ZMAT4: variants seen among roughly 807,000 people sequenced by gnomAD.
ZMAT4 encodes zinc finger matrin-type 4.
Under a neutral mutation model 28.7 loss-of-function variants are expected in ZMAT4, and 17 were observed. That is an observed-to-expected ratio of 0.59 (90% CI 0.41 to 0.89). ZMAT4 has a LOEUF of 0.89. Ranked by LOEUF, ZMAT4 falls within the 40% of genes least tolerant of loss-of-function variation. ZMAT4 has a pLI of 0.00. For missense variants in ZMAT4, 240 were observed against 283.8 expected, an observed-to-expected ratio of 0.85 and a Z score of 1.11; for synonymous variants, 117 against 109.2, an observed-to-expected ratio of 1.07 and a Z score of -0.44.
intron 1 of ZMAT4, among the ~76,000 whole-genome samples, chr8:40,891,272 A>AGGGGGAAGGGGGGAGGGGGAAGGGGGAGG (rs1818673754): frequency 1.0e-5 from 1 of 98,016 alleles, no homozygotes; most frequent in Non-Finnish European, 2.1e-5. Context: ...GGGAGGGGGA[A>AGGGGGAAGGGGGGAGGGGGAAGGGGGAGG]GGGGAAATTG....
intron 3 of ZMAT4, among the ~76,000 whole-genome samples, chr8:40,702,968 C>T (rs777634208): frequency 6.6e-6 from 1 of 151,950 alleles, no homozygotes; most frequent in Non-Finnish European, 1.5e-5. Flanking sequence ...GATTAAAAAG[C>T]ATAGTGGATA....
At chr8:40,643,073 G>A (rs938769278) in intron 5 of ZMAT4, among the ~76,000 whole-genome samples, 7 of 152,170 alleles carry the variant, frequency 4.6e-5, no homozygotes, top group Non-Finnish European at 1.0e-4. Context: ...TGAGCTATGA[G>A]GTGCAGGTGT....
chr8:40,558,769 T>A (rs766529320), intron 6 of ZMAT4, among the ~76,000 whole-genome samples: 3 of 152,052 alleles, frequency 2.0e-5, no homozygotes, highest in African/African-American at 7.2e-5. Flanking sequence ...GGGCTCCCGC[T>A]TCTTGGCCGA....
At chr8:40,621,306 A>G (rs2118691648) in intron 5 of ZMAT4, among the ~76,000 whole-genome samples, 1 of 152,326 alleles carries the variant, frequency 6.6e-6, no homozygotes. Flanking sequence ...CTTAGGTGAG[A>G]CCAGAACTTA....
At chr8:40,823,841 A>G (rs1815923012) in intron 2 of ZMAT4, among the ~76,000 whole-genome samples, 1 of 152,200 alleles carries the variant, frequency 6.6e-6, no homozygotes, top group African/African-American at 2.4e-5. Flanking sequence ...CCTTTTAACA[A>G]TGACTATACG....
At chr8:40,851,039 T>C (rs1015613267) in intron 1 of ZMAT4, among the ~76,000 whole-genome samples, 1 of 152,212 alleles carries the variant, frequency 6.6e-6, no homozygotes, top group African/African-American at 2.4e-5. Flanking sequence ...AAGTTAACTA[T>C]ATTTTGGCCA....
chr8:40,600,516 T>C (rs1449616034), intron 5 of ZMAT4, among the ~76,000 whole-genome samples: 3 of 152,198 alleles, frequency 2.0e-5, no homozygotes, highest in Non-Finnish European at 2.9e-5. Context: ...CTTCACCACA[T>C]GCTCAGCCTC....
intron 6 of ZMAT4, among the ~76,000 whole-genome samples, chr8:40,563,495 G>A (rs1018095590): frequency 4.6e-5 from 7 of 152,132 alleles, no homozygotes; most frequent in African/African-American, 1.7e-4. Context: ...TCTAGCAAAA[G>A]TGGAACATGC....
chr8:40,724,896 G>T (rs1811258263), intron 3 of ZMAT4, among the ~76,000 whole-genome samples: 1 of 152,114 alleles, frequency 6.6e-6, no homozygotes, highest in African/African-American at 2.4e-5. Flanking sequence ...AGACCTAGCT[G>T]GGATGATACC....
rs146367428 is a variant in ZMAT4 at position 40,849,965 on chromosome 8, G to A, written c.-4-24285C>T. Among the ~76,000 whole-genome samples, 197 of 152,192 alleles carry A rather than the reference G, an allele frequency of 1.3e-3. 6 individuals carry two copies. The East Asian group carries it at 0.035, about 27-fold the overall frequency. On this transcript the variant is annotated intron_variant, in intron 1 of 6. Coordinates refer to ENST00000297737, the MANE Select transcript of ZMAT4 (RefSeq NM_024645.3). ...ACCCCGCTGCTCAGAATGGAAACCT[G>A]GGATCGCTCCTCATCCACTCCCTTT... is the stretch of plus-strand genomic sequence containing the variant.
At chr8:40,680,713 C>A (rs1809123909) in intron 4 of ZMAT4, among the ~76,000 whole-genome samples, 1 of 151,666 alleles carries the variant, frequency 6.6e-6, no homozygotes, top group South Asian at 2.1e-4. Context: ...CACACACACA[C>A]ACACACACAC....
chr8:40,586,518 G>A (rs1215354076), intron 5 of ZMAT4, among the ~76,000 whole-genome samples: 1 of 152,180 alleles, frequency 6.6e-6, no homozygotes, highest in Non-Finnish European at 1.5e-5. Flanking sequence ...ACAGGAGCTA[G>A]AGGAGAGGAG....
At chr8:40,546,937 T>C (rs1272641901) in intron 6 of ZMAT4, among the ~76,000 whole-genome samples, 5 of 152,032 alleles carry the variant, frequency 3.3e-5, no homozygotes, top group Non-Finnish European at 7.4e-5. Context: ...TTTAGAAGAA[T>C]TGAACATAAA....
intron 2 of ZMAT4, among the ~76,000 whole-genome samples, chr8:40,815,591 A>C (rs1445432330): frequency 6.6e-6 from 1 of 152,198 alleles, no homozygotes; most frequent in African/African-American, 2.4e-5. Context: ...CTGTCCTTCC[A>C]TCTCCACGCA....
rs543625355 is a variant in ZMAT4 at position 40,888,936 on chromosome 8, A to G, written c.-5+8747T>C. On this transcript the variant is annotated intron_variant, in intron 1 of 6. Coordinates refer to ENST00000297737, the MANE Select transcript of ZMAT4 (RefSeq NM_024645.3). ...GCTTCACACCTTCTTGCAGAAATCT[A>G]CCACTCACTTCTAGAGCACATGGAA... Among the ~76,000 whole-genome samples the G allele has an allele frequency of 2.6e-5, 4 of 152,338 alleles. No individual in the cohort carries two copies. The South Asian group carries it at 8.3e-4, about 32-fold the overall frequency.
chr8:40,891,994 C>G (rs75929080), intron 1 of ZMAT4, among the ~76,000 whole-genome samples: 266 of 152,324 alleles, frequency 1.7e-3, no homozygotes, highest in African/African-American at 6.2e-3. Context: ...ATTCTCAAAA[C>G]TGTGAGACTT....
chr8:40,627,532 T>A (rs1806420440), intron 5 of ZMAT4, among the ~76,000 whole-genome samples: 1 of 152,216 alleles, frequency 6.6e-6, no homozygotes, highest in Admixed American at 6.5e-5. Context: ...AAATATTCAA[T>A]AACATTTATT....
intron 3 of ZMAT4, among the ~76,000 whole-genome samples, chr8:40,710,873 C>T (rs1300583090): frequency 2.0e-5 from 3 of 152,150 alleles, no homozygotes; most frequent in African/African-American, 2.4e-5. Context: ...CTCCACCTCC[C>T]GGGTTCAAGC....
At chr8:40,773,874 T>C (rs1219785401) in intron 2 of ZMAT4, among the ~76,000 whole-genome samples, 1 of 152,000 alleles carries the variant, frequency 6.6e-6, no homozygotes, top group Non-Finnish European at 1.5e-5. Context: ...AAACTAAAGA[T>C]CTTATATATG....
Sources: gnomAD v4.1 joint callset for allele counts (sites outside exome capture counted in the v4.1 genomes callset) on GRCh38, gnomAD v4.1.1 for gene constraint, MANE v1.5 for transcripts, NCBI Gene and HGNC (gene_info 2026-07-23, HGNC 2026-07-21) for gene names.